The following NUP133 variants were observed in gnomAD, a reference collection of about 807,000 sequenced individuals.
NUP133 encodes the protein nuclear pore complex protein Nup133.
Under a neutral mutation model 146.2 loss-of-function variants are expected in NUP133, and 66 were observed. The ratio of observed to expected loss-of-function variants is 0.45; its 90% CI spans 0.37 to 0.55. The LOEUF is 0.55. Among genes scored for constraint, NUP133 ranks in the 20% least tolerant of loss-of-function variants. The probability of loss-of-function intolerance (pLI) is 0.00; values close to 1 mark genes in which losing one functional copy is unlikely to be tolerated. For missense variants in NUP133, 1,277 were observed against 1,374.8 expected (o/e 0.93, Z 1.12); for synonymous variants, 521 against 498.8 (o/e 1.04, Z -0.59).
chr1:229,498,998 A>G (rs1322155947), intron 5 of NUP133, among the ~76,000 whole-genome samples: 2 of 152,150 alleles, frequency 1.3e-5, no homozygotes, highest in African/African-American at 4.8e-5. Context: ...TCCTGGGCTC[A>G]AGAGATCCTC....
chr1:229,475,696 A>G lies in NUP133; in HGVS notation c.1793T>C (p.Leu598Pro). ...TTTCATCTTGTCTTCTAGCTGGTGA[A>G]GGATAATCAGTGACGTATTGCTGAA... ...PGFSNTSLII[L>P]HQLEDKMKAH... is the part of the protein sequence containing the mutation. The change falls in exon 14 of 26, where the codon CTT becomes CCT. Residue 598 changes from leucine to proline, a missense_variant. Coordinates refer to ENST00000261396, the MANE Select transcript of NUP133 (RefSeq NM_018230.3). 1.2e-6 allele frequency: 2 copies of G among 1,614,170 alleles called. No homozygotes were observed. The highest frequency in any genetic ancestry group is 1.7e-6 in the Non-Finnish European group (2 of 1,179,984).
chr1:229,483,777 T>C (rs16849841), intron 12 of NUP133, among the ~76,000 whole-genome samples: 2,372 of 151,692 alleles, frequency 0.016, 115 homozygotes, highest in Admixed American at 0.086. Flanking sequence ...CCTTGCAAGA[T>C]GTCTTCATGA....
intron 9 of NUP133, among the ~76,000 whole-genome samples, chr1:229,489,622 A>G (rs550017731): frequency 9.2e-5 from 14 of 152,336 alleles, no homozygotes; most frequent in East Asian, 1.9e-4. Context: ...TGTAATCCCA[A>G]TATTTTGGGA....
At chr1:229,507,762 G>A (rs953681545) in intron 1 of NUP133, among the ~76,000 whole-genome samples, 5 of 152,134 alleles carry the variant, frequency 3.3e-5, no homozygotes, top group African/African-American at 1.2e-4. Flanking sequence ...AGAAAATCAC[G>A]AGTGACTTAC....
intron 10 of NUP133, 82 bp downstream of exon 10, chr1:229,487,384 G>A: frequency 7.6e-7 from 1 of 1,320,612 alleles, no homozygotes; most frequent in East Asian, 2.4e-5. Flanking sequence ...CATGCTTGAA[G>A]TGACATTCAG....
At chr1:229,468,499 C>T (rs922919983) in intron 15 of NUP133, among the ~76,000 whole-genome samples, 3 of 152,080 alleles carry the variant, frequency 2.0e-5, no homozygotes, top group African/African-American at 7.2e-5. Context: ...TACCATTTTT[C>T]ATATGGAACA....
intron 15 of NUP133, among the ~76,000 whole-genome samples, chr1:229,468,594 C>T (rs941509484): frequency 6.6e-6 from 1 of 152,168 alleles, no homozygotes; most frequent in Non-Finnish European, 1.5e-5. Flanking sequence ...CTGATAATTT[C>T]CAGACCCTTC....
chr1:229,457,536 G>A (rs1195165140), intron 21 of NUP133, among the ~76,000 whole-genome samples: 1 of 152,058 alleles, frequency 6.6e-6, no homozygotes, highest in African/African-American at 2.4e-5. Context: ...CTCATACAAC[G>A]TAAATGCTAA....
At chr1:229,459,094 C>G (rs1660635477) in intron 20 of NUP133, among the ~76,000 whole-genome samples, 1 of 152,076 alleles carries the variant, frequency 6.6e-6, no homozygotes. Context: ...ATGATTAAAT[C>G]AAGCTAATTA....
At chr1:229,490,613 A>C (rs532497558) in intron 8 of NUP133, among the ~76,000 whole-genome samples, 1 of 152,278 alleles carries the variant, frequency 6.6e-6, no homozygotes, top group South Asian at 2.1e-4. Flanking sequence ...GGGGTTATAA[A>C]ACTGTTCTGT....
intron 8 of NUP133, among the ~76,000 whole-genome samples, chr1:229,492,900 A>C (rs560777545): frequency 2.6e-5 from 4 of 152,214 alleles, no homozygotes; most frequent in East Asian, 1.9e-4. Context: ...CCTGTACCCC[A>C]AAAACCATTG....
intron 9 of NUP133, among the ~76,000 whole-genome samples, chr1:229,489,717 A>G (rs1315578976): frequency 6.6e-6 from 1 of 152,198 alleles, no homozygotes; most frequent in African/African-American, 2.4e-5. Flanking sequence ...CTAAAAATAT[A>G]AAAATTAGCT....
At chr1:229,498,106 G>T in intron 6 of NUP133, 30 bp downstream of exon 6, 1 of 1,468,666 alleles carries the variant, frequency 6.8e-7, no homozygotes, top group Non-Finnish European at 9.2e-7. Context: ...TAAGAAATAA[G>T]CTTGTAAAAT....
intron 21 of NUP133, among the ~76,000 whole-genome samples, chr1:229,454,301 G>A (rs1040417330): frequency 2.6e-5 from 4 of 152,178 alleles, no homozygotes; most frequent in African/African-American, 9.7e-5. Flanking sequence ...CTGCTAGGCA[G>A]CCTCATAAAC....
Position 229,447,023 on chromosome 1 carries a change from T to C in NUP133, c.3246-2021A>G, listed in dbSNP as rs138018009. On this transcript the variant is annotated intron_variant, in intron 24 of 25. Transcript: ENST00000261396. ...CCTGCAATCCCAGCTACTCGGGAGGTTGAAGCAGGAGAATCACTTGAATCC... is the reference window on the plus strand; with the variant it reads ...CCTGCAATCCCAGCTACTCGGGAGGCTGAAGCAGGAGAATCACTTGAATCC... Among the ~76,000 whole-genome samples, 386 of 151,070 alleles carry C rather than the reference T, an allele frequency of 2.6e-3. 4 individuals carry two copies. The highest frequency in any genetic ancestry group is 9.0e-3 in the African/African-American group (371 of 41,164).
chr1:229,460,710 T>C lies in NUP133; in HGVS notation c.2745A>G (p.Leu915=). The part of the protein sequence containing the change: ...YLEKGKRGKL[L]SQPISQHGQL... ...GTCCATGCTGAGAAATGGGCTGAGA[T>C]AATAATTTGCCTCGCTTTCCTTTCT... Residue 915 remains leucine, a synonymous_variant, in exon 20 of 26, where the codon TTA becomes TTG. Coordinates refer to ENST00000261396, the MANE Select transcript of NUP133 (RefSeq NM_018230.3). The C allele has an allele frequency of 6.2e-7, 1 of 1,614,062 alleles. No individual in the cohort carries two copies. The highest frequency in any genetic ancestry group is 1.1e-5 in the South Asian group (1 of 91,058).
At chr1:229,469,780 G>A (rs1487008904) in intron 15 of NUP133, among the ~76,000 whole-genome samples, 1 of 152,236 alleles carries the variant, frequency 6.6e-6, no homozygotes, top group African/African-American at 2.4e-5. Flanking sequence ...GAGGGCAAGG[G>A]AGCCCATTCA....
chr1:229,454,734 T>C (rs1283538215), intron 21 of NUP133, among the ~76,000 whole-genome samples: 1 of 152,174 alleles, frequency 6.6e-6, no homozygotes, highest in East Asian at 1.9e-4. Flanking sequence ...AAAGCCTTGG[T>C]TAAAATGCTT....
chr1:229,454,505 A>C (rs1396486666), intron 21 of NUP133, among the ~76,000 whole-genome samples: 1 of 152,202 alleles, frequency 6.6e-6, no homozygotes, highest in Admixed American at 6.5e-5. Flanking sequence ...ACTACAGACA[A>C]CTTATTTTTC....
Sources: gnomAD v4.1 joint callset for allele counts (sites outside exome capture counted in the v4.1 genomes callset) on GRCh38, gnomAD v4.1.1 for gene constraint, MANE v1.5 for transcripts, NCBI Gene and HGNC (gene_info 2026-07-23, HGNC 2026-07-21) for gene names.